The following SLC10A7 variants were observed in gnomAD, a reference collection of about 807,000 sequenced individuals.
SLC10A7 encodes sodium/bile acid cotransporter 7.
Under a neutral mutation model 43.2 loss-of-function variants are expected in SLC10A7, and 29 were observed. The observed-to-expected ratio is 0.67, with a 90% CI of 0.50 to 0.92. SLC10A7 has a LOEUF of 0.92. Among genes scored for constraint, SLC10A7 ranks in the 40% least tolerant of loss-of-function variants. SLC10A7 has a pLI of 0.00. For missense variants in SLC10A7, 295 were observed against 403.2 expected, an observed-to-expected ratio of 0.73 and a Z score of 2.30; for synonymous variants, 152 against 144.8, an observed-to-expected ratio of 1.05 and a Z score of -0.35.
chr4:146,291,078 C>T (rs1254027926), intron 9 of SLC10A7, among the ~76,000 whole-genome samples: 1 of 152,158 alleles, frequency 6.6e-6, no homozygotes, highest in African/African-American at 2.4e-5. Context: ...GCTCTATGTT[C>T]TATTTTTCAA....
chr4:146,300,484 G>A (rs769522196), intron 7 of SLC10A7, among the ~76,000 whole-genome samples: 3 of 152,204 alleles, frequency 2.0e-5, no homozygotes, highest in Non-Finnish European at 4.4e-5. Flanking sequence ...GTGAGGTGGT[G>A]ATTATAGGAG....
At chr4:146,389,116 T>G (rs1738229406) in intron 5 of SLC10A7, among the ~76,000 whole-genome samples, 1 of 151,982 alleles carries the variant, frequency 6.6e-6, no homozygotes, top group African/African-American at 2.4e-5. Flanking sequence ...AAGCGGGAGC[T>G]AAACAATGGA....
intron 2 of SLC10A7, among the ~76,000 whole-genome samples, chr4:146,513,290 C>A (rs1204444805): frequency 2.0e-5 from 3 of 151,594 alleles, no homozygotes; most frequent in African/African-American, 7.3e-5. Flanking sequence ...TAAAAGTATA[C>A]AATGTTACAT....
At chr4:146,402,003 A>G (rs543137465) in intron 5 of SLC10A7, among the ~76,000 whole-genome samples, 1 of 152,180 alleles carries the variant, frequency 6.6e-6, no homozygotes, top group Non-Finnish European at 1.5e-5. Flanking sequence ...AAAAATGTAC[A>G]CATATAGACA....
rs189526160 is a variant in SLC10A7 at position 146,422,666 on chromosome 4, G to T, written c.435+20117C>A. Among the ~76,000 whole-genome samples, 4 of 151,790 alleles carry T rather than the reference G, an allele frequency of 2.6e-5. No homozygotes were observed. The East Asian group carries it at 7.7e-4, about 29-fold the overall frequency. ...CTTATATGTATTACTTGTCTCTTTCGGATTATTATTTTGGATTATACTGTA... is the reference window on the plus strand; with the variant it reads ...CTTATATGTATTACTTGTCTCTTTCTGATTATTATTTTGGATTATACTGTA... On this transcript the variant is annotated intron_variant, in intron 5 of 11. Transcript: ENST00000335472.
chr4:146,444,298 T>C (rs1489630232), intron 4 of SLC10A7, among the ~76,000 whole-genome samples: 1 of 152,308 alleles, frequency 6.6e-6, no homozygotes, highest in East Asian at 1.9e-4. Flanking sequence ...ATTACTTCCT[T>C]TTAGTAAAGG....
At chr4:146,354,948 T>G (rs1395520972) in intron 5 of SLC10A7, among the ~76,000 whole-genome samples, 1 of 129,002 alleles carries the variant, frequency 7.8e-6, no homozygotes, top group African/African-American at 3.1e-5. Flanking sequence ...GAAGAAAACC[T>G]AGGCATTACC....
At position 146,306,002 on chromosome 4, in the gene SLC10A7, G is replaced by T; in HGVS notation, c.479C>A (p.Ser160Ter). Residue 160 changes from serine to a stop codon, truncating the protein, a stop_gained, in exon 7 of 12, where the codon TCA becomes TAA. Coordinates refer to ENST00000335472, the MANE Select transcript of SLC10A7 (RefSeq NM_001029998.6). LOFTEE classifies it high-confidence loss of function. ...AGATGTGAAAGGCACAGAAGAAGAT[G>T]AACCAAGCTGTAAAACAAGAAAATA... Reference protein sequence around the residue: ...TPLLLLLFLGSSSSVPFTSIF... With the variant: ...TPLLLLLFLG 6.2e-7 allele frequency: 1 copy of T among 1,603,834 alleles called. No individual in the cohort carries two copies. Among genetic ancestry groups the T allele is most frequent in the South Asian group, 1.1e-5 (1 of 88,804 alleles).
chr4:146,503,970 A>C, intron 3 of SLC10A7, 46 bp from the exon 4 acceptor site: 1 of 1,502,646 alleles, frequency 6.7e-7, no homozygotes, highest in Non-Finnish European at 9.2e-7. Flanking sequence ...TTATAATCAT[A>C]GACAGCTTTC....
chr4:146,436,328 T>C (rs188460260), intron 5 of SLC10A7, among the ~76,000 whole-genome samples: 1 of 152,262 alleles, frequency 6.6e-6, no homozygotes, highest in East Asian at 1.9e-4. Flanking sequence ...AGAGTTTGTT[T>C]TAAAAACAAA....
intron 7 of SLC10A7, among the ~76,000 whole-genome samples, chr4:146,305,252 A>G (rs953273883): frequency 1.3e-5 from 2 of 151,510 alleles, no homozygotes; most frequent in African/African-American, 4.9e-5. Flanking sequence ...GCCATAAAAA[A>G]TGATGAGTTC....
chr4:146,302,258 G>T (rs1731211160), intron 7 of SLC10A7, among the ~76,000 whole-genome samples: 1 of 152,158 alleles, frequency 6.6e-6, no homozygotes, highest in South Asian at 2.1e-4. Flanking sequence ...AAACTGTGTG[G>T]AGATGAGAAG....
chr4:146,413,023 T>C (rs1331910096), intron 5 of SLC10A7, among the ~76,000 whole-genome samples: 1 of 152,146 alleles, frequency 6.6e-6, no homozygotes, highest in Non-Finnish European at 1.5e-5. Flanking sequence ...TTCAACCAGA[T>C]TGAATTAGAA....
At chr4:146,425,418 G>A (rs1466053806) in intron 5 of SLC10A7, among the ~76,000 whole-genome samples, 1 of 152,166 alleles carries the variant, frequency 6.6e-6, no homozygotes, top group Non-Finnish European at 1.5e-5. Context: ...CCAGTCACAT[G>A]TGTCTGTTGG....
rs1322680101 is a variant in SLC10A7, at chr4:146,464,685, T to C, written c.397-21864A>G. ...ATGCCATTAAGAATAACAGTAATTTTATGATATTAGAAAAAGAATCTATGA... is the reference window on the plus strand; with the variant it reads ...ATGCCATTAAGAATAACAGTAATTTCATGATATTAGAAAAAGAATCTATGA... On this transcript the variant is annotated intron_variant, in intron 4 of 11. Transcript: ENST00000335472. Among the ~76,000 whole-genome samples, 9 of 152,184 alleles carry C rather than the reference T, an allele frequency of 5.9e-5. No individual in the cohort carries two copies. The East Asian group carries it at 1.3e-3, about 23-fold the overall frequency.
Position 146,299,725 on chromosome 4 carries a change from GA to G in SLC10A7, c.556-5631del, listed in dbSNP as rs919075258. 2.0e-4 allele frequency among the ~76,000 whole-genome samples: 30 copies of G among 152,270 alleles called. 1 individual carries two copies. The highest frequency in any genetic ancestry group is 6.5e-4 in the African/African-American group (27 of 41,578). On this transcript the variant is annotated intron_variant, in intron 7 of 11. Transcript: ENST00000335472. ...AAGGTAACAATCCCTTTGAAGAGTAGAAAAAGAAACACTATAAGGAAGTAGG... is the reference window on the plus strand; with the variant it reads ...AAGGTAACAATCCCTTTGAAGAGTAGAAAAGAAACACTATAAGGAAGTAGG...
At chr4:146,274,360 C>T (rs1165872701) in intron 10 of SLC10A7, among the ~76,000 whole-genome samples, 2 of 151,818 alleles carry the variant, frequency 1.3e-5, no homozygotes, top group African/African-American at 4.8e-5. Context: ...CCTGCCACCC[C>T]GCCTGGCTAG....
intron 5 of SLC10A7, among the ~76,000 whole-genome samples, chr4:146,407,191 T>A (rs562265060): frequency 2.5e-4 from 38 of 152,304 alleles, no homozygotes; most frequent in Admixed American, 1.6e-3. Context: ...ACTTTCCAAC[T>A]CTAATCCTCT....
intron 5 of SLC10A7, among the ~76,000 whole-genome samples, chr4:146,440,271 G>A (rs1730497021): frequency 1.1e-5 from 1 of 94,670 alleles, no homozygotes; most frequent in Admixed American, 1.1e-4. Context: ...TTTTAGGGAG[G>A]TCTTTTTTCT....
Sources: gnomAD v4.1 joint callset for allele counts (sites outside exome capture counted in the v4.1 genomes callset) on GRCh38, gnomAD v4.1.1 for gene constraint, MANE v1.5 for transcripts, NCBI Gene and HGNC (gene_info 2026-07-23, HGNC 2026-07-21) for gene names.